The following DTNBP1 variants were observed in gnomAD, a reference collection of about 807,000 sequenced individuals.
DTNBP1 encodes the protein dysbindin.
DTNBP1 carries 35 observed loss-of-function variants against 42.8 expected under a neutral mutation model. The observed-to-expected ratio is 0.82, with a 90% confidence interval of 0.63 to 1.09. DTNBP1 has a LOEUF of 1.09. DTNBP1 is among the 50% of genes least tolerant of loss of function. The pLI is 0.00. For synonymous variants in DTNBP1, 171 were observed against 162.2 expected, an observed-to-expected ratio of 1.05 and a Z score of -0.41; for missense variants, 457 against 424.2, an observed-to-expected ratio of 1.08 and a Z score of -0.68.
At chr6:15,526,271 T>A (rs930301795) in intron 8 of DTNBP1, among the ~76,000 whole-genome samples, 11 of 151,796 alleles carry the variant, frequency 7.2e-5, no homozygotes, top group African/African-American at 2.4e-4. Context: ...GACGTGTGAG[T>A]GTGTGAGTTA....
At chr6:15,523,876 G>A (rs1463469536) in intron 9 of DTNBP1, 1 of 1,287,242 alleles carries the variant, frequency 7.8e-7, no homozygotes, top group Admixed American at 2.3e-5. Flanking sequence ...TGAAACCGTG[G>A]TAATGGTAGA....
intron 6 of DTNBP1, among the ~76,000 whole-genome samples, chr6:15,611,423 C>T (rs1758394164): frequency 6.6e-6 from 1 of 152,180 alleles, no homozygotes; most frequent in African/African-American, 2.4e-5. Context: ...AGGAGAACAA[C>T]GTTGTTTCAT....
chr6:15,545,802 G>A (rs543680318), intron 7 of DTNBP1, among the ~76,000 whole-genome samples: 11 of 152,284 alleles, frequency 7.2e-5, no homozygotes, highest in African/African-American at 2.4e-4. Context: ...ACTATCTAGA[G>A]TATTAACAAA....
At chr6:15,527,280 A>T (rs1772472892) in intron 8 of DTNBP1, among the ~76,000 whole-genome samples, 1 of 152,238 alleles carries the variant, frequency 6.6e-6, no homozygotes, top group Non-Finnish European at 1.5e-5. Flanking sequence ...TCTTGGGGGC[A>T]TGTCACTATA....
At chr6:15,586,257 G>A (rs1776075681) in intron 7 of DTNBP1, among the ~76,000 whole-genome samples, 2 of 152,112 alleles carry the variant, frequency 1.3e-5, no homozygotes. Flanking sequence ...TGTAGCATTA[G>A]CCTAAAGGTT....
intron 6 of DTNBP1, among the ~76,000 whole-genome samples, chr6:15,605,141 T>C (rs1757969037): frequency 6.6e-6 from 1 of 152,196 alleles, no homozygotes. Context: ...CTGAAGGAGA[T>C]GCATAAGGGA....
intron 6 of DTNBP1, among the ~76,000 whole-genome samples, chr6:15,597,718 C>CGAA (rs1581376028): frequency 6.6e-6 from 1 of 152,204 alleles, no homozygotes; most frequent in East Asian, 1.9e-4. Context: ...GCATCTCTTC[C>CGAA]ATCCTGCATC....
At chr6:15,591,139 T>C (rs1776281968) in intron 7 of DTNBP1, among the ~76,000 whole-genome samples, 1 of 151,296 alleles carries the variant, frequency 6.6e-6, no homozygotes, top group South Asian at 2.1e-4. Context: ...GACAAGAGTC[T>C]CATTCTGTGG....
intron 4 of DTNBP1, among the ~76,000 whole-genome samples, chr6:15,635,250 C>T (rs1175582663): frequency 6.6e-6 from 1 of 152,126 alleles, no homozygotes; most frequent in Non-Finnish European, 1.5e-5. Flanking sequence ...TCCCGAATAG[C>T]TTGGACTACA....
intron 7 of DTNBP1, among the ~76,000 whole-genome samples, chr6:15,554,761 G>A (rs1354977200): frequency 6.6e-6 from 1 of 151,916 alleles, no homozygotes; most frequent in Non-Finnish European, 1.5e-5. Context: ...ACAAAAAAAT[G>A]GTGGCATTAG....
At chr6:15,628,213 G>T (rs1173787609) in intron 4 of DTNBP1, among the ~76,000 whole-genome samples, 1 of 152,050 alleles carries the variant, frequency 6.6e-6, no homozygotes, top group East Asian at 1.9e-4. Context: ...CAAGGGCCTA[G>T]AAAGACTTAG....
At chr6:15,559,603 G>C (rs891636262) in intron 7 of DTNBP1, among the ~76,000 whole-genome samples, 3 of 152,122 alleles carry the variant, frequency 2.0e-5, no homozygotes, top group Admixed American at 2.0e-4. Context: ...ATGCACTATA[G>C]GTTTCTGAAT....
At chr6:15,533,539 A>G in intron 7 of DTNBP1, 144 bp from the exon 8 acceptor site, 1 of 1,375,622 alleles carries the variant, frequency 7.3e-7, no homozygotes. Context: ...CTGCGTGTAC[A>G]GCTGGCCTCC....
At position 15,603,402 on chromosome 6, in the gene DTNBP1, C is replaced by T. The variant is rs554178032; in HGVS notation, c.489-10321G>A. Among the ~76,000 whole-genome samples the T allele has an allele frequency of 2.6e-5, 4 of 152,278 alleles. No individual in the cohort carries two copies. The South Asian group carries it at 8.3e-4, about 32-fold the overall frequency. On this transcript the variant is annotated intron_variant, in intron 6 of 9. Transcript: ENST00000344537. ...AAATGGAGAAAAGAGATACAAGTTTCAGCCTTTTTTATATTTTCCATGTCT... is the reference window on the plus strand; with the variant it reads ...AAATGGAGAAAAGAGATACAAGTTTTAGCCTTTTTTATATTTTCCATGTCT...
chr6:15,613,579 C>A (rs531541818), intron 6 of DTNBP1, among the ~76,000 whole-genome samples: 41 of 151,986 alleles, frequency 2.7e-4, no homozygotes, highest in African/African-American at 8.4e-4. Context: ...TGTTAGCCAG[C>A]ACAGTATCGA....
intron 3 of DTNBP1, among the ~76,000 whole-genome samples, 182 bp from the exon 4 acceptor site, chr6:15,637,986 T>C (rs1008977334): frequency 4.6e-4 from 70 of 152,062 alleles, no homozygotes; most frequent in African/African-American, 1.6e-3. Flanking sequence ...CTGTGACAAT[T>C]TGAGCAACAA....
At chr6:15,583,881 A>G (rs887664191) in intron 7 of DTNBP1, among the ~76,000 whole-genome samples, 9 of 152,178 alleles carry the variant, frequency 5.9e-5, no homozygotes, top group African/African-American at 1.7e-4. Flanking sequence ...TTGATGCTCT[A>G]TTTTTATGTA....
At chr6:15,596,790 C>A (rs1561982070) in intron 6 of DTNBP1, among the ~76,000 whole-genome samples, 1 of 152,168 alleles carries the variant, frequency 6.6e-6, no homozygotes, top group East Asian at 1.9e-4. Flanking sequence ...TAGCTTTATG[C>A]AAAAGTGGAG....
At chr6:15,626,476 AGG>A (rs1759355074) in intron 5 of DTNBP1, among the ~76,000 whole-genome samples, 1 of 152,186 alleles carries the variant, frequency 6.6e-6, no homozygotes, top group South Asian at 2.1e-4. Context: ...AGGAGATAAT[AGG>A]GTATCTTTAG....
Sources: gnomAD v4.1 joint callset for allele counts (sites outside exome capture counted in the v4.1 genomes callset) on GRCh38, gnomAD v4.1.1 for gene constraint, MANE v1.5 for transcripts, NCBI Gene and HGNC (gene_info 2026-07-23, HGNC 2026-07-21) for gene names.